The following SORCS3 variants were observed in gnomAD, a reference collection of about 807,000 sequenced individuals.
The protein encoded by SORCS3 is VPS10 domain-containing receptor SorCS3.
Under a neutral mutation model 146.3 loss-of-function variants are expected in SORCS3, and 57 were observed. The ratio of observed to expected loss-of-function variants is 0.39; its 90% CI spans 0.31 to 0.49. The LOEUF is 0.49. Ranked by LOEUF, SORCS3 falls within the 20% of genes least tolerant of loss-of-function variation. SORCS3 has a pLI of 0.92. For synonymous variants in SORCS3, 653 were observed against 618.5 expected (o/e 1.06, Z -0.83); for missense variants, 1,341 against 1,575.5 (o/e 0.85, Z 2.52).
intron 1 of SORCS3, among the ~76,000 whole-genome samples, chr10:104,829,855 T>A (rs1456987049): frequency 6.6e-6 from 1 of 152,166 alleles, no homozygotes; most frequent in African/African-American, 2.4e-5. Flanking sequence ...CAGCCTGTTC[T>A]GTGTCAGCCA....
At chr10:104,949,877 G>A (rs1322432340) in intron 3 of SORCS3, among the ~76,000 whole-genome samples, 1 of 152,156 alleles carries the variant, frequency 6.6e-6, no homozygotes, top group Non-Finnish European at 1.5e-5. Flanking sequence ...CTGAGAGAAG[G>A]GAAACTTTAG....
intron 5 of SORCS3, 40 bp from the exon 6 acceptor site, chr10:105,089,735 G>C: frequency 6.4e-7 from 1 of 1,561,116 alleles, no homozygotes; most frequent in East Asian, 2.2e-5. Context: ...TCTGCTATCG[G>C]TGTTGTCACT....
At chr10:104,647,900 C>T (rs1457700468) in intron 1 of SORCS3, among the ~76,000 whole-genome samples, 2 of 152,182 alleles carry the variant, frequency 1.3e-5, no homozygotes, top group Non-Finnish European at 2.9e-5. Flanking sequence ...TGGACACCCC[C>T]ATAAGACATT....
chr10:104,892,483 A>G (rs2018758447), intron 2 of SORCS3, among the ~76,000 whole-genome samples: 1 of 152,158 alleles, frequency 6.6e-6, no homozygotes, highest in East Asian at 1.9e-4. Context: ...GCACTTTGGG[A>G]GGCTGAGGCG....
intron 2 of SORCS3, among the ~76,000 whole-genome samples, chr10:104,913,236 G>A (rs758066934): frequency 5.9e-5 from 9 of 152,200 alleles, no homozygotes; most frequent in African/African-American, 1.2e-4. Flanking sequence ...ATGAATGGGG[G>A]AGGGAGAAGA....
intron 3 of SORCS3, among the ~76,000 whole-genome samples, chr10:104,922,573 A>C (rs1465778253): frequency 6.6e-6 from 1 of 152,212 alleles, no homozygotes; most frequent in Non-Finnish European, 1.5e-5. Flanking sequence ...TGTCATGTGA[A>C]AATGAGGGCC....
At chr10:104,932,626 G>A (rs1564716241) in intron 3 of SORCS3, among the ~76,000 whole-genome samples, 1 of 152,200 alleles carries the variant, frequency 6.6e-6, no homozygotes, top group East Asian at 1.9e-4. Flanking sequence ...CAGCTTATGT[G>A]TTCAGCCTTT....
chr10:104,882,276 A>T (rs1157650), intron 2 of SORCS3, among the ~76,000 whole-genome samples: 74,011 of 152,096 alleles, frequency 0.49, 21,397 homozygotes, highest in African/African-American at 0.82. Flanking sequence ...ATTGCAAAGG[A>T]GGTTCCCAAG....
intron 1 of SORCS3, among the ~76,000 whole-genome samples, chr10:104,798,382 G>GT (rs977274213): frequency 2.0e-5 from 3 of 151,922 alleles, no homozygotes; most frequent in Non-Finnish European, 4.4e-5. Context: ...TGAAGGGTGG[G>GT]TTTTTTTTCT....
intron 23 of SORCS3, among the ~76,000 whole-genome samples, chr10:105,253,395 G>A (rs1404300282): frequency 6.6e-6 from 1 of 152,144 alleles, no homozygotes. Flanking sequence ...GGGATGTATT[G>A]CCTCTCTTTG....
intron 22 of SORCS3, among the ~76,000 whole-genome samples, chr10:105,248,486 G>T (rs939929386): frequency 6.6e-6 from 1 of 152,092 alleles, no homozygotes; most frequent in African/African-American, 2.4e-5. Flanking sequence ...GGCCGAGGCG[G>T]GTGTATCACC....
intron 1 of SORCS3, among the ~76,000 whole-genome samples, chr10:104,802,425 T>C (rs1319984462): frequency 6.6e-6 from 1 of 152,220 alleles, no homozygotes; most frequent in Non-Finnish European, 1.5e-5. Context: ...CTGATGGATC[T>C]CTTTGGAATT....
chr10:104,689,495 C>T (rs2016088297), intron 1 of SORCS3, among the ~76,000 whole-genome samples: 1 of 152,206 alleles, frequency 6.6e-6, no homozygotes. Flanking sequence ...GGCCTTTGCA[C>T]AAGCTGTTGG....
intron 1 of SORCS3, among the ~76,000 whole-genome samples, chr10:104,817,014 T>C (rs1203482817): frequency 6.6e-6 from 1 of 152,178 alleles, no homozygotes; most frequent in Admixed American, 6.5e-5. Flanking sequence ...TGGACCCAGC[T>C]TCCTGGCTTC....
intron 1 of SORCS3, among the ~76,000 whole-genome samples, chr10:104,740,789 AGG>A (rs2016831964): frequency 6.6e-6 from 1 of 152,144 alleles, no homozygotes; most frequent in South Asian, 2.1e-4. Flanking sequence ...ATAATGTAGA[AGG>A]GGTGAGATTC....
At chr10:104,940,495 C>T (rs924418743) in intron 3 of SORCS3, among the ~76,000 whole-genome samples, 30 of 147,066 alleles carry the variant, frequency 2.0e-4, no homozygotes, top group Admixed American at 1.4e-3. Flanking sequence ...ATGCGGCGTT[C>T]GCTTTTTTTG....
chr10:105,023,447 TG>T (rs1435859167), intron 4 of SORCS3, among the ~76,000 whole-genome samples: 1 of 152,008 alleles, frequency 6.6e-6, no homozygotes, highest in Non-Finnish European at 1.5e-5. Context: ...TGGAGAACTG[TG>T]GGGGGAGCCT....
intron 4 of SORCS3, among the ~76,000 whole-genome samples, chr10:105,002,473 G>A (rs1028404685): frequency 2.0e-5 from 3 of 152,200 alleles, no homozygotes; most frequent in Non-Finnish European, 4.4e-5. Context: ...CAGGCACTGA[G>A]CCGGGGTATA....
intron 14 of SORCS3, among the ~76,000 whole-genome samples, chr10:105,193,045 C>T (rs2056525345): frequency 6.6e-6 from 1 of 152,170 alleles, no homozygotes; most frequent in African/African-American, 2.4e-5. Context: ...AGCTAACCCT[C>T]TCTGTGTATA....
Sources: gnomAD v4.1 joint callset for allele counts (sites outside exome capture counted in the v4.1 genomes callset) on GRCh38, gnomAD v4.1.1 for gene constraint, MANE v1.5 for transcripts, NCBI Gene and HGNC (gene_info 2026-07-23, HGNC 2026-07-21) for gene names.